CECR2: variants seen among roughly 807,000 people sequenced by gnomAD.
The protein encoded by CECR2 is CECR2 histone acetyl-lysine reader, also known as chromatin remodeling regulator CECR2.
In CECR2, 30 loss-of-function variants were observed where a neutral mutation model predicts 154.5. The observed-to-expected ratio is 0.19, with a 90% CI of 0.15 to 0.26. The LOEUF (loss-of-function observed/expected upper bound fraction) is 0.26. CECR2 is among the 10% of genes least tolerant of loss of function. The probability of loss-of-function intolerance (pLI) is 1.00; values close to 1 mark genes in which losing one functional copy is unlikely to be tolerated. For synonymous variants in CECR2, 725 were observed against 683.7 expected (o/e 1.06, Z -0.94); for missense variants, 1,743 against 1,829.3 (o/e 0.95, Z 0.86).
At chr22:17,372,495 G>A (rs1388974869) in intron 1 of CECR2, among the ~76,000 whole-genome samples, 3 of 151,996 alleles carry the variant, frequency 2.0e-5, no homozygotes, top group Non-Finnish European at 4.4e-5. Context: ...ATGAAACCCC[G>A]TTTCTACTAA....
At chr22:17,461,672 A>C (rs972793562) in intron 1 of CECR2, among the ~76,000 whole-genome samples, 4 of 152,198 alleles carry the variant, frequency 2.6e-5, no homozygotes, top group African/African-American at 9.6e-5. Flanking sequence ...CACAGAAGTC[A>C]GTCTTCGTTC....
At chr22:17,378,208 C>T (rs2063142159) in intron 1 of CECR2, among the ~76,000 whole-genome samples, 1 of 150,558 alleles carries the variant, frequency 6.6e-6, no homozygotes, top group Non-Finnish European at 1.5e-5. Context: ...TGGTCTGGAT[C>T]TCCTAACCTT....
chr22:17,404,364 C>CCTTTTTTTTT (rs781954770), intron 1 of CECR2, among the ~76,000 whole-genome samples: 8 of 59,622 alleles, frequency 1.3e-4, no homozygotes, highest in African/African-American at 6.0e-4. Flanking sequence ...GGACCCTGTT[C>CCTTTTTTTTT]TTTCTTTTTT....
At chr22:17,523,755 C>CAAAAAAAAAAAAAA (rs66963477) in intron 8 of CECR2, among the ~76,000 whole-genome samples, 1 of 101,164 alleles carries the variant, frequency 9.9e-6, no homozygotes, top group Non-Finnish European at 2.0e-5. Flanking sequence ...GACTCTATCT[C>CAAAAAAAAAAAAAA]AAAAAAAAAA....
rs146710332 is a variant in CECR2 at position 17,418,939 on chromosome 22, G to A, written c.126+49030G>A. On this transcript the variant is annotated intron_variant, in intron 1 of 18. Coordinates refer to ENST00000262608, the MANE Select transcript of CECR2 (RefSeq NM_001290047.2). ...TACATCCTGGACTGGTGGAGCCAGCGAGAGGCTGGAGCTGGAGCCTATCGG... is the reference window on the plus strand; with the variant it reads ...TACATCCTGGACTGGTGGAGCCAGCAAGAGGCTGGAGCTGGAGCCTATCGG... The A allele has an allele frequency of 4.3e-3, 869 of 202,614 alleles. 11 individuals carry two copies. Among genetic ancestry groups the A allele is most frequent in the African/African-American group, 0.019 (792 of 42,446 alleles). The allele number at this position is 202,614 out of a possible 1,614,324, so 12.6% of individuals were successfully genotyped here.
intron 2 of CECR2, among the ~76,000 whole-genome samples, chr22:17,480,548 G>A (rs963503454): frequency 3.6e-4 from 54 of 151,598 alleles, no homozygotes; most frequent in African/African-American, 1.3e-3. Context: ...GGACAAGAAA[G>A]AACACTACAA....
intron 1 of CECR2, among the ~76,000 whole-genome samples, chr22:17,414,823 G>T (rs1181766141): frequency 2.6e-5 from 4 of 152,116 alleles, no homozygotes; most frequent in African/African-American, 9.7e-5. Flanking sequence ...AGTGGGAGTG[G>T]ATTATAGCTA....
chr22:17,491,584 G>C (rs1441205271), intron 2 of CECR2, among the ~76,000 whole-genome samples: 17 of 126,314 alleles, frequency 1.3e-4, no homozygotes, highest in African/African-American at 4.0e-4. Flanking sequence ...TGTGTGTGTG[G>C]GGGGGTGGGT....
At chr22:17,432,724 CTCCTGAGCTCAAGCA>C (rs1184336578) in intron 1 of CECR2, among the ~76,000 whole-genome samples, 3 of 152,204 alleles carry the variant, frequency 2.0e-5, no homozygotes, top group African/African-American at 7.2e-5. Context: ...CAGCCTCAAA[CTCCTGAGCTCAAGCA>C]ACCCTCCTAC....
At chr22:17,543,091 T>C in intron 16 of CECR2, 88 bp downstream of exon 16, 2 of 1,363,106 alleles carry the variant, frequency 1.5e-6, no homozygotes, top group South Asian at 3.0e-5. Context: ...TGTAATCTGG[T>C]TCCCAGCCTC....
intron 16 of CECR2, among the ~76,000 whole-genome samples, chr22:17,543,715 A>G (rs1361892977): frequency 6.6e-6 from 1 of 151,714 alleles, no homozygotes; most frequent in Admixed American, 6.6e-5. Flanking sequence ...GCATGCCACC[A>G]CACCCGGCTA....
intron 2 of CECR2, among the ~76,000 whole-genome samples, chr22:17,491,651 AGAATTTTTATT>A (rs1203957585): frequency 6.6e-6 from 1 of 151,672 alleles, no homozygotes; most frequent in Non-Finnish European, 1.5e-5. Flanking sequence ...AGAGCTATTC[AGAATTTTTATT>A]GTACCTCTTC....
intron 9 of CECR2, among the ~76,000 whole-genome samples, chr22:17,525,284 TCCAAAAAA>T (rs1167214590): frequency 9.8e-5 from 1 of 10,164 alleles, no homozygotes; most frequent in Non-Finnish European, 1.9e-4. Context: ...AAACTCCATC[TCCAAAAAA>T]AAAAAAAAAA....
rs371531337 is a variant in CECR2, at chr22:17,477,644, C to G, written c.183C>G (p.Ala61=). The change falls in exon 2 of 19, where the codon GCC becomes GCG. Residue 61 remains alanine (A), a synonymous_variant. Coordinates refer to ENST00000262608, the MANE Select transcript of CECR2 (RefSeq NM_001290047.2). ...DDVEFISDLI[A]CLLQGCYQRR... ...TGGAGTTTATCAGTGACCTGATTGCCTGCCTGCTTCAGGGCTGCTATCAAC... is the reference window on the plus strand; with the variant it reads ...TGGAGTTTATCAGTGACCTGATTGCGTGCCTGCTTCAGGGCTGCTATCAAC... 1.4e-5 allele frequency: 23 copies of G among 1,612,998 alleles called. No homozygotes were observed. The African/African-American group carries it at 2.1e-4, about 15-fold the overall frequency.
At chr22:17,536,104 TG>T (rs1350549928) in intron 9 of CECR2, among the ~76,000 whole-genome samples, 3 of 151,864 alleles carry the variant, frequency 2.0e-5, no homozygotes, top group Non-Finnish European at 4.4e-5. Flanking sequence ...CAAAATTAGC[TG>T]GGCGTGGTGG....
At chr22:17,503,228 T>G (rs1290379548) in intron 6 of CECR2, 97 bp downstream of exon 6, 4 of 1,126,690 alleles carry the variant, frequency 3.6e-6, no homozygotes, top group Non-Finnish European at 5.2e-6. Context: ...AAAGTAAAGG[T>G]TATTGCAATA....
At chr22:17,531,684 G>A (rs174332) in intron 9 of CECR2, among the ~76,000 whole-genome samples, 31,131 of 152,110 alleles carry the variant, frequency 0.2, 3,367 homozygotes, top group Admixed American at 0.29. Context: ...TTGGTTTGAT[G>A]AAAAACCCTG....
rs538784298 is a variant in CECR2 at position 17,516,599 on chromosome 22, GTGTTTTGTTT to G, written c.954+4716_954+4725del. Among the ~76,000 whole-genome samples, 48 of 151,892 alleles carry G rather than the reference GTGTTTTGTTT, an allele frequency of 3.2e-4. No homozygotes were observed. The South Asian group carries it at 8.3e-3, about 26-fold the overall frequency. ...TGTGAGTTCTCAGGAGATCTGGCTG[GTGTTTTGTTT>G]TGTTTTGTTTTGAGACGGAGTTTTG... On this transcript the variant is annotated intron_variant, in intron 8 of 18. Transcript: ENST00000262608.
At chr22:17,526,136 C>A (rs2056260531) in intron 9 of CECR2, among the ~76,000 whole-genome samples, 1 of 151,716 alleles carries the variant, frequency 6.6e-6, no homozygotes, top group East Asian at 1.9e-4. Context: ...TGACATTCTT[C>A]ACAAAAATAG....
Sources: allele counts gnomAD v4.1 joint callset (sites outside exome capture counted in the v4.1 genomes callset), GRCh38; gene constraint gnomAD v4.1.1; transcripts MANE v1.5; gene names NCBI Gene and HGNC (gene_info 2026-07-23, HGNC 2026-07-21).